The following NUDT3 variants were observed in gnomAD, a reference collection of about 807,000 sequenced individuals.
NUDT3 encodes the protein diphosphoinositol polyphosphate phosphohydrolase 1.
A neutral mutation model predicts 23.6 loss-of-function variants in NUDT3; 9 were observed. The observed-to-expected ratio is 0.38, with a 90% CI of 0.23 to 0.66. NUDT3 has a LOEUF of 0.66. Among genes scored for constraint, NUDT3 ranks in the 30% least tolerant of loss-of-function variants. NUDT3 has a pLI of 0.52. For synonymous variants in NUDT3, 86 were observed against 82.6 expected (o/e 1.04, Z -0.22); for missense variants, 172 against 218.5 (o/e 0.79, Z 1.34).
intron 1 of NUDT3, among the ~76,000 whole-genome samples, chr6:34,343,707 G>A (rs1764322992): frequency 1.3e-5 from 2 of 152,116 alleles, no homozygotes; most frequent in Non-Finnish European, 1.5e-5. Flanking sequence ...TCTTAGATAT[G>A]AAGCATGAGC....
At chr6:34,312,162 G>A (rs569849654) in intron 2 of NUDT3, among the ~76,000 whole-genome samples, 1 of 152,242 alleles carries the variant, frequency 6.6e-6, no homozygotes, top group East Asian at 1.9e-4. Context: ...AGTACTTTGG[G>A]AGGCTGAGGT....
At chr6:34,352,417 G>C (rs568321003) in intron 1 of NUDT3, among the ~76,000 whole-genome samples, 1 of 152,256 alleles carries the variant, frequency 6.6e-6, no homozygotes, top group East Asian at 1.9e-4. Flanking sequence ...CAATCCATCT[G>C]TTTCAGCCTC....
chr6:34,353,510 T>A (rs957665992), intron 1 of NUDT3, among the ~76,000 whole-genome samples: 2 of 151,626 alleles, frequency 1.3e-5, no homozygotes, highest in Non-Finnish European at 2.9e-5. Flanking sequence ...CAAACGATTC[T>A]CTTACCTCAG....
rs1763336598 is a variant in NUDT3 at position 34,286,569 on chromosome 6, C to T, written c.*2184G>A. ...GAATGCTCTAGGTCAGGAAAAGAAACAGTGTGTTCGTTTTTAAGAAGGATG... is the reference window on the plus strand; with the variant it reads ...GAATGCTCTAGGTCAGGAAAAGAAATAGTGTGTTCGTTTTTAAGAAGGATG... On this transcript the variant is annotated 3_prime_UTR_variant, in exon 5 of 5. Coordinates refer to ENST00000607016, the MANE Select transcript of NUDT3 (RefSeq NM_006703.4). 6.6e-6 allele frequency: 1 copy of T among 151,994 alleles called. No homozygotes were observed. Among genetic ancestry groups the T allele is most frequent in the African/African-American group, 2.4e-5 (1 of 41,346 alleles). 9.4% of individuals were successfully genotyped at this position (151,994 alleles called of 1,614,324 possible).
At chr6:34,365,375 AC>A (rs1299405243) in intron 1 of NUDT3, among the ~76,000 whole-genome samples, 1 of 151,664 alleles carries the variant, frequency 6.6e-6, no homozygotes, top group Non-Finnish European at 1.5e-5. Context: ...GTTGCAGTGA[AC>A]CAAGATCGCG....
intron 1 of NUDT3, among the ~76,000 whole-genome samples, chr6:34,349,659 T>C (rs969664461): frequency 6.6e-6 from 1 of 150,668 alleles, no homozygotes; most frequent in African/African-American, 2.5e-5. Context: ...CCAGAGGATC[T>C]GACCCCTTTC....
intron 2 of NUDT3, among the ~76,000 whole-genome samples, chr6:34,333,925 C>T (rs760841298): frequency 3.9e-5 from 6 of 152,164 alleles, no homozygotes; most frequent in South Asian, 2.1e-4. Context: ...TCAACAGACA[C>T]GTAAGTTTTG....
chr6:34,378,589 C>A (rs115546511), intron 1 of NUDT3, among the ~76,000 whole-genome samples: 2,394 of 152,214 alleles, frequency 0.016, 52 homozygotes, highest in African/African-American at 0.052. Context: ...GAAGATAGGC[C>A]CACACTATGA....
intron 3 of NUDT3, 130 bp downstream of exon 3, chr6:34,295,511 C>G (rs1488598447): frequency 9.5e-7 from 1 of 1,056,842 alleles, no homozygotes; most frequent in Admixed American, 2.7e-5. Context: ...AGAGTGAGAC[C>G]TTGTCTCAAA....
At chr6:34,307,381 C>A (rs1002776184) in intron 2 of NUDT3, among the ~76,000 whole-genome samples, 2 of 152,016 alleles carry the variant, frequency 1.3e-5, no homozygotes, top group Non-Finnish European at 2.9e-5. Context: ...GAGTTCGAGA[C>A]CAGCCTGGGA....
intron 1 of NUDT3, among the ~76,000 whole-genome samples, chr6:34,342,213 T>G (rs527947110): frequency 3.1e-4 from 46 of 149,844 alleles, no homozygotes; most frequent in African/African-American, 1.1e-3. Flanking sequence ...CTCAATCACC[T>G]GCTCTATTTA....
chr6:34,361,628 C>T (rs890028684), intron 1 of NUDT3, among the ~76,000 whole-genome samples: 3 of 152,150 alleles, frequency 2.0e-5, no homozygotes, highest in South Asian at 2.1e-4. Context: ...GCAACCATGA[C>T]GTCCTTCAGT....
At chr6:34,334,545 A>T (rs1764177056) in intron 2 of NUDT3, among the ~76,000 whole-genome samples, 1 of 152,188 alleles carries the variant, frequency 6.6e-6, no homozygotes, top group African/African-American at 2.4e-5. Flanking sequence ...AGGCTGAGGC[A>T]GGAGAATCAT....
chr6:34,368,890 G>A (rs935904679), intron 1 of NUDT3, among the ~76,000 whole-genome samples: 5 of 152,162 alleles, frequency 3.3e-5, no homozygotes, highest in South Asian at 2.1e-4. Flanking sequence ...CGCCTGCCTC[G>A]GCCTCCCAAA....
intron 1 of NUDT3, among the ~76,000 whole-genome samples, chr6:34,353,727 G>C (rs996850316): frequency 6.6e-6 from 1 of 151,866 alleles, no homozygotes; most frequent in African/African-American, 2.4e-5. Context: ...TTTTAAGACA[G>C]GATCTCGTTC....
At chr6:34,298,518 C>A (rs536082054) in intron 2 of NUDT3, among the ~76,000 whole-genome samples, 1 of 150,414 alleles carries the variant, frequency 6.6e-6, no homozygotes, top group African/African-American at 2.5e-5. Flanking sequence ...TGTGTAAAAT[C>A]TAGTGTAAAT....
intron 2 of NUDT3, among the ~76,000 whole-genome samples, chr6:34,311,147 G>A (rs530868241): frequency 9.2e-5 from 14 of 152,228 alleles, no homozygotes; most frequent in South Asian, 2.1e-4. Flanking sequence ...AACTGTATTC[G>A]TTTGCAGATG....
At chr6:34,383,702 A>G (rs756371436) in intron 1 of NUDT3, among the ~76,000 whole-genome samples, 1 of 152,204 alleles carries the variant, frequency 6.6e-6, no homozygotes, top group Non-Finnish European at 1.5e-5. Flanking sequence ...ATTTTTATTG[A>G]GAAATGAGAA....
chr6:34,341,655 A>T (rs1212768412), intron 2 of NUDT3, among the ~76,000 whole-genome samples: 3 of 152,366 alleles, frequency 2.0e-5, no homozygotes, highest in East Asian at 1.9e-4. Flanking sequence ...ATAAAAAGTC[A>T]TGGGAAGTCT....
Sources: gnomAD v4.1 joint callset for allele counts (sites outside exome capture counted in the v4.1 genomes callset) on GRCh38, gnomAD v4.1.1 for gene constraint, MANE v1.5 for transcripts, NCBI Gene and HGNC (gene_info 2026-07-23, HGNC 2026-07-21) for gene names.